The following CAPN10 variants were observed in gnomAD, a reference collection of about 807,000 sequenced individuals.
CAPN10 encodes the protein calpain 10, also known as calpain-10.
A neutral mutation model predicts 78.4 loss-of-function variants in CAPN10; 71 were observed. That is an observed-to-expected ratio of 0.91 (90% CI 0.75 to 1.10). The LOEUF (loss-of-function observed/expected upper bound fraction) is 1.10, where lower values mean the gene tolerates loss of function less well. Ranked by LOEUF, CAPN10 falls within the 50% of genes least tolerant of loss-of-function variation. CAPN10 has a pLI of 0.00. For missense variants in CAPN10, 849 were observed against 924.6 expected, an observed-to-expected ratio of 0.92 and a Z score of 1.06; for synonymous variants, 437 against 407.2, an observed-to-expected ratio of 1.07 and a Z score of -0.88.
At chr2:240,593,313 G>A (rs187323303) in intron 4 of CAPN10, among the ~76,000 whole-genome samples, 4 of 152,356 alleles carry the variant, frequency 2.6e-5, no homozygotes, top group East Asian at 3.9e-4. Context: ...CGGCGTGGGC[G>A]AGACTGAAGT....
Position 240,590,742 on chromosome 2 carries a change from G to T in CAPN10, c.274-73G>T, listed in dbSNP as rs930521666. 4.9e-6 allele frequency: 7 copies of T among 1,441,126 alleles called. No homozygotes were observed. In the African/African-American group the frequency reaches 9.8e-5, roughly 20 times the overall value. 89.3% of individuals were successfully genotyped at this position (1,441,126 alleles called of 1,614,324 possible). A position where few individuals can be genotyped will look rare whatever the true frequency, so the allele number is the denominator to read the frequency against. On this transcript the variant is annotated intron_variant, in intron 2 of 11. Transcript: ENST00000391984. Reference sequence around the variant, plus strand: ...GAGCACTCAGCTGTGGCCACACCGCGGCCGGGACACTGGAGTAGCGCCGGG... The same window carrying T: ...GAGCACTCAGCTGTGGCCACACCGCTGCCGGGACACTGGAGTAGCGCCGGG...
Position 240,591,914 on chromosome 2 carries a change from T to C in CAPN10, c.471-19T>C, listed in dbSNP as rs1440894539. On this transcript the variant is annotated intron_variant, in intron 3 of 11. Transcript: ENST00000391984. ...GCTCAATGCCAGAGGCTCACTCCCATGGTGATTGTGTCCCCTAGGGTCCAT... is the reference window on the plus strand; with the variant it reads ...GCTCAATGCCAGAGGCTCACTCCCACGGTGATTGTGTCCCCTAGGGTCCAT... 5 of 1,606,356 alleles carry C rather than the reference T, an allele frequency of 3.1e-6. No individual in the cohort carries two copies. The highest frequency in any genetic ancestry group is 4.3e-6 in the Non-Finnish European group (5 of 1,175,624).
At position 240,594,546 on chromosome 2, in the gene CAPN10, T is replaced by A. The variant is rs1040841293; in HGVS notation, c.834T>A (p.Gly278=). 3.1e-5 allele frequency: 50 copies of A among 1,611,212 alleles called. No homozygotes were observed. In the Admixed American group the frequency reaches 8.3e-4, roughly 27 times the overall value. ...GCTGAGATGAGGTTTCTTCCAGGGG[T>A]GAAGGGTGGAGCCAGGTAGATGCAG... ...RCWQGLWREG[G]EGWSQVDAAV... Residue 278 remains glycine, a synonymous_variant, in exon 6 of 12, where the codon GGT becomes GGA. Transcript: ENST00000391984.
chr2:240,588,603 CAT>C (rs2093082695), intron 1 of CAPN10, among the ~76,000 whole-genome samples: 1 of 152,080 alleles, frequency 6.6e-6, no homozygotes, highest in Admixed American at 6.6e-5. Flanking sequence ...GGTTTGATAA[CAT>C]AGAGGTGACA....
At chr2:240,593,682 G>A (rs975283082) in intron 4 of CAPN10, among the ~76,000 whole-genome samples, 4 of 152,214 alleles carry the variant, frequency 2.6e-5, no homozygotes, top group African/African-American at 2.4e-5. Context: ...GATGGCAGCC[G>A]AGTCAGGCCC....
At chr2:240,592,421 G>C in intron 4 of CAPN10, 1 of 690,956 alleles carries the variant, frequency 1.4e-6, no homozygotes, top group Non-Finnish European at 2.7e-6. Context: ...CCCACTGTCT[G>C]TGCCATCCCT....
chr2:240,594,451 C>G (rs2093122871), intron 5 of CAPN10, 92 bp from the exon 6 acceptor site: 4 of 1,350,374 alleles, frequency 3.0e-6, no homozygotes, highest in South Asian at 2.7e-5. Flanking sequence ...TCAGGGCTCT[C>G]TGGGTCCCCT....
chr2:240,597,854 T>C lies in CAPN10; in HGVS notation c.1744-34T>C, dbSNP rs532819700. 15 of 1,548,942 alleles carry C rather than the reference T, an allele frequency of 9.7e-6. No homozygotes were observed. In the Admixed American group the frequency reaches 1.4e-4, roughly 14 times the overall value. The stretch of plus-strand genomic sequence containing the variant: ...TGGGCTGGGCTCCCTACCCCAAGGC[T>C]GGCCCCCTCAGTCTGAGCCTGCGCT... On this transcript the variant is annotated intron_variant, in intron 9 of 11. Transcript: ENST00000391984.
chr2:240,589,303 G>A (rs2093086568), intron 1 of CAPN10, 40 bp from the exon 2 acceptor site: 1 of 1,613,920 alleles, frequency 6.2e-7, no homozygotes, highest in Non-Finnish European at 8.5e-7. Context: ...GGGTTCCACA[G>A]CAGGCATGAT....
intron 9 of CAPN10, among the ~76,000 whole-genome samples, chr2:240,597,275 G>A (rs3792275): frequency 0.13 from 19,128 of 152,180 alleles, 1,447 homozygotes; most frequent in South Asian, 0.19. Context: ...GGGGTGGGTC[G>A]AGCCCTGGCT....
chr2:240,586,796 T>TGGGCCGGGCGGGGAAC lies in CAPN10; in HGVS notation c.-111_-96dup, dbSNP rs1553611769. ...TGCGGGGCCCTCGGGCTTGGAGGGC[T>TGGGCCGGGCGGGGAAC]GGGCCGGGCGGGGAACGGGCGGGGC... is the stretch of plus-strand genomic sequence containing the variant. On this transcript the variant is annotated 5_prime_UTR_variant, in exon 1 of 12. Coordinates refer to ENST00000391984, the MANE Select transcript of CAPN10 (RefSeq NM_023083.4). 2 of 1,087,054 alleles carry TGGGCCGGGCGGGGAAC rather than the reference T, an allele frequency of 1.8e-6. No homozygotes were observed. Among genetic ancestry groups the TGGGCCGGGCGGGGAAC allele is most frequent in the African/African-American group, 1.7e-5 (1 of 60,352 alleles). The allele number at this position is 1,087,054 out of a possible 1,614,324, so 67.3% of individuals were successfully genotyped here. A position where few individuals can be genotyped will look rare whatever the true frequency, so the allele number is the denominator to read the frequency against.
rs546654862 is a variant in CAPN10, at chr2:240,595,824, T to C, written c.1279-495T>C. ...ACCACTGGTTCACAAAGTGTGTTGT[T>C]TCCAGGAAGAACAGATGGGGGCGCC... On this transcript the variant is annotated intron_variant, in intron 7 of 11. Transcript: ENST00000391984. 564 of 697,204 alleles carry C rather than the reference T, an allele frequency of 8.1e-4. 2 individuals carry two copies. Among genetic ancestry groups the C allele is most frequent in the Non-Finnish European group, 7.6e-4 (331 of 436,256 alleles). The allele number at this position is 697,204 out of a possible 1,614,324, so 43.2% of individuals were successfully genotyped here.
chr2:240,594,489 G>A, intron 5 of CAPN10, 54 bp from the exon 6 acceptor site: 1 of 1,564,684 alleles, frequency 6.4e-7, no homozygotes, highest in Non-Finnish European at 8.7e-7. Context: ...CTGCCGGCAA[G>A]TTGACACTAC....
At chr2:240,594,069 A>G (rs757217126) in intron 5 of CAPN10, 22 bp downstream of exon 5, 1 of 1,556,216 alleles carries the variant, frequency 6.4e-7, no homozygotes, top group South Asian at 1.2e-5. Flanking sequence ...GGCCTGGACC[A>G]TGCTGCTGTC....
Position 240,596,957 on chromosome 2 carries a change from C to G in CAPN10, c.1743+15C>G. On this transcript the variant is annotated intron_variant, in intron 9 of 11. Transcript: ENST00000391984. ...ATATCTTCCAGGCAAGCTCCTTGCC[C>G]CAGGGAGGGAGGGGGAGCAGAAGGG... 5 of 1,613,340 alleles carry G rather than the reference C, an allele frequency of 3.1e-6. No individual in the cohort carries two copies. Among genetic ancestry groups the G allele is most frequent in the Non-Finnish European group, 4.2e-6 (5 of 1,179,990 alleles).
intron 1 of CAPN10, among the ~76,000 whole-genome samples, chr2:240,587,546 G>T (rs2093076526): frequency 6.6e-6 from 1 of 152,264 alleles, no homozygotes; most frequent in Admixed American, 6.5e-5. Flanking sequence ...TGCCCTGGCC[G>T]AGTGCTGTGT....
Position 240,594,046 on chromosome 2 carries a change from G to A in CAPN10, c.829G>A (p.Gly277Arg), listed in dbSNP as rs1409083560. 5 of 1,597,392 alleles carry A rather than the reference G, an allele frequency of 3.1e-6. No homozygotes were observed. The South Asian group carries it at 4.5e-5, about 14-fold the overall frequency. ...GTGCTGGCAGGGGCTCTGGAGAGAG[G>A]GGTGAGTGCTGGGGCCTGGACCATG... ...RRCWQGLWRE[G>R]GEGWSQVDAA... Residue 277 changes from glycine (G) to arginine (R), a missense_variant and splice_region_variant, in exon 5 of 12, where the codon GGG (glycine) becomes AGG (arginine). Transcript: ENST00000391984.
chr2:240,591,041 C>A, intron 3 of CAPN10, 30 bp downstream of exon 3: 1 of 1,600,740 alleles, frequency 6.2e-7, no homozygotes. Flanking sequence ...AAGGGCCTGG[C>A]CTGGGGCAAG....
rs542679639 is a variant in CAPN10, at chr2:240,593,780, T to C, written c.689-126T>C. ...TCGTGGTCCATGGGGATCTGGGGTC[T>C]CCCGTGTAGCCATAGTGGGGTGGGC... is the stretch of plus-strand genomic sequence containing the variant. On this transcript the variant is annotated intron_variant, in intron 4 of 11. Transcript: ENST00000391984. The C allele has an allele frequency of 8.1e-5, 92 of 1,132,674 alleles. 1 individual carries two copies. In the South Asian group the frequency reaches 1.6e-3, roughly 19 times the overall value. 70.2% of individuals were successfully genotyped at this position (1,132,674 alleles called of 1,614,324 possible).
Sources: allele counts gnomAD v4.1 joint callset (sites outside exome capture counted in the v4.1 genomes callset), GRCh38; gene constraint gnomAD v4.1.1; transcripts MANE v1.5; gene names NCBI Gene and HGNC (gene_info 2026-07-23, HGNC 2026-07-21).